Variants in EDIL3 observed in about 807,000 individuals in gnomAD.
EDIL3 encodes the protein EGF-like repeat and discoidin I-like domain-containing protein 3.
A neutral mutation model predicts 67.4 loss-of-function variants in EDIL3; 37 were observed. That is an observed-to-expected ratio of 0.55 (90% CI 0.42 to 0.72). EDIL3 has a LOEUF of 0.72. Among genes scored for constraint, EDIL3 ranks in the 30% least tolerant of loss-of-function variants. The pLI is 0.00. For synonymous variants in EDIL3, 195 were observed against 196.3 expected (o/e 0.99, Z 0.05); for missense variants, 527 against 586.3 (o/e 0.90, Z 1.04).
chr5:84,050,698 A>T (rs939842582), intron 9 of EDIL3, among the ~76,000 whole-genome samples: 4 of 152,244 alleles, frequency 2.6e-5, no homozygotes, highest in Admixed American at 2.6e-4. Context: ...TCCCACGCCC[A>T]CAGAGCCTCG....
At chr5:84,028,738 C>T (rs1393157133) in intron 9 of EDIL3, among the ~76,000 whole-genome samples, 3 of 151,928 alleles carry the variant, frequency 2.0e-5, no homozygotes, top group African/African-American at 4.8e-5. Flanking sequence ...TTCATGTAAA[C>T]ACGGAGTCTT....
intron 1 of EDIL3, among the ~76,000 whole-genome samples, chr5:84,270,818 G>A (rs970352650): frequency 7.9e-5 from 12 of 152,174 alleles, no homozygotes; most frequent in Non-Finnish European, 1.6e-4. Context: ...CAGAAAGAGT[G>A]AAGTGATATC....
At chr5:84,346,725 C>A (rs1342641273) in intron 1 of EDIL3, among the ~76,000 whole-genome samples, 1 of 152,138 alleles carries the variant, frequency 6.6e-6, no homozygotes, top group African/African-American at 2.4e-5. Flanking sequence ...ATGCTAACTG[C>A]AGGATTTTTG....
chr5:84,381,103 T>A (rs530158139), intron 1 of EDIL3, among the ~76,000 whole-genome samples: 3 of 152,218 alleles, frequency 2.0e-5, no homozygotes, highest in African/African-American at 7.2e-5. Context: ...GAAGGAAAAA[T>A]AGACCATCTC....
intron 5 of EDIL3, among the ~76,000 whole-genome samples, chr5:84,117,189 G>A (rs937530415): frequency 4.0e-5 from 6 of 151,602 alleles, no homozygotes; most frequent in Non-Finnish European, 8.8e-5. Context: ...CATCACGCCC[G>A]GCTAATTTTT....
chr5:84,199,455 G>T (rs1743785254), intron 3 of EDIL3, among the ~76,000 whole-genome samples: 1 of 151,798 alleles, frequency 6.6e-6, no homozygotes, highest in Non-Finnish European at 1.5e-5. Flanking sequence ...CTTATACTGA[G>T]GTAGATGTCA....
chr5:84,154,854 C>G (rs1256965492), intron 4 of EDIL3, among the ~76,000 whole-genome samples: 1 of 151,938 alleles, frequency 6.6e-6, no homozygotes, highest in Non-Finnish European at 1.5e-5. Flanking sequence ...CGCCCGCCAC[C>G]ACGCCCAGCT....
chr5:84,324,862 T>C (rs538068678), intron 1 of EDIL3, among the ~76,000 whole-genome samples: 1 of 151,710 alleles, frequency 6.6e-6, no homozygotes, highest in Non-Finnish European at 1.5e-5. Context: ...TGACAGAGAA[T>C]TAAGAAATCT....
At chr5:84,012,895 C>CT (rs1194455337) in intron 9 of EDIL3, among the ~76,000 whole-genome samples, 1 of 151,934 alleles carries the variant, frequency 6.6e-6, no homozygotes, top group Non-Finnish European at 1.5e-5. Flanking sequence ...TTAGAAGACT[C>CT]TAACTGAATA....
intron 5 of EDIL3, among the ~76,000 whole-genome samples, chr5:84,133,903 A>G (rs1748042658): frequency 1.3e-5 from 2 of 152,090 alleles, no homozygotes; most frequent in African/African-American, 4.8e-5. Context: ...TAAATCAGAA[A>G]TATGTATTAT....
intron 1 of EDIL3, among the ~76,000 whole-genome samples, chr5:84,338,253 G>T (rs1252529644): frequency 2.0e-5 from 3 of 152,088 alleles, no homozygotes; most frequent in Non-Finnish European, 4.4e-5. Context: ...ACTAAATTTG[G>T]CTGTCCCTCT....
intron 5 of EDIL3, among the ~76,000 whole-genome samples, chr5:84,136,758 C>T (rs976662114): frequency 8.2e-4 from 125 of 152,122 alleles, no homozygotes; most frequent in African/African-American, 2.9e-3. Context: ...TGGTCTTGAG[C>T]TCCTGGGCTC....
chr5:84,340,067 T>C (rs1747070335), intron 1 of EDIL3, among the ~76,000 whole-genome samples: 1 of 152,068 alleles, frequency 6.6e-6, no homozygotes, highest in South Asian at 2.1e-4. Flanking sequence ...TATTAGGGGA[T>C]TTTTTTGTTG....
At chr5:83,990,026 C>T (rs143882374) in intron 9 of EDIL3, among the ~76,000 whole-genome samples, 2 of 152,226 alleles carry the variant, frequency 1.3e-5, no homozygotes, top group East Asian at 3.9e-4. Flanking sequence ...CAGATTTTTC[C>T]CTGTGCAATC....
chr5:83,987,085 C>G (rs1745068890), intron 9 of EDIL3, among the ~76,000 whole-genome samples: 1 of 152,132 alleles, frequency 6.6e-6, no homozygotes, highest in Non-Finnish European at 1.5e-5. Context: ...TGAGCAAATC[C>G]TTTAACCTCT....
At chr5:84,146,765 C>T (rs114778773) in intron 4 of EDIL3, among the ~76,000 whole-genome samples, 2,556 of 152,150 alleles carry the variant, frequency 0.017, 74 homozygotes, top group African/African-American at 0.058. Context: ...AAAGGAGTTA[C>T]ATTTGTTACA....
intron 1 of EDIL3, among the ~76,000 whole-genome samples, chr5:84,319,491 C>CAAAA (rs1561255911): frequency 7.6e-4 from 3 of 3,940 alleles, no homozygotes; most frequent in African/African-American, 2.1e-3. Flanking sequence ...AAACAAAAAA[C>CAAAA]AACAAAAAAA....
At chr5:84,368,066 G>A (rs1001322647) in intron 1 of EDIL3, among the ~76,000 whole-genome samples, 3 of 152,136 alleles carry the variant, frequency 2.0e-5, no homozygotes, top group African/African-American at 7.2e-5. Context: ...TTTGTCTGAT[G>A]TAACTATTTT....
intron 9 of EDIL3, among the ~76,000 whole-genome samples, chr5:84,054,629 A>G (rs13181292): frequency 0.19 from 28,610 of 152,018 alleles, 3,011 homozygotes; most frequent in Admixed American, 0.24. Context: ...TACAAAATCA[A>G]TGTGCAAAAA....
Sources: gnomAD v4.1 joint callset for allele counts (sites outside exome capture counted in the v4.1 genomes callset) on GRCh38, gnomAD v4.1.1 for gene constraint, MANE v1.5 for transcripts, NCBI Gene and HGNC (gene_info 2026-07-23, HGNC 2026-07-21) for gene names.